Variants in SAMD12 observed in about 807,000 individuals in gnomAD.
SAMD12 encodes the protein sterile alpha motif domain-containing protein 12.
Under a neutral mutation model 15.0 loss-of-function variants are expected in SAMD12, and 9 were observed. The ratio of observed to expected loss-of-function variants is 0.60; its 90% CI spans 0.36 to 1.05. The LOEUF is 1.05. SAMD12 is among the 50% of genes least tolerant of loss of function. SAMD12 has a pLI of 0.01. For missense variants in SAMD12, 230 were observed against 234.2 expected, an observed-to-expected ratio of 0.98 and a Z score of 0.12; for synonymous variants, 86 against 90.1, an observed-to-expected ratio of 0.96 and a Z score of 0.25.
At chr8:118,235,497 T>C (rs957511138) in intron 4 of SAMD12, among the ~76,000 whole-genome samples, 2 of 151,238 alleles carry the variant, frequency 1.3e-5, no homozygotes, top group Non-Finnish European at 2.9e-5. Context: ...GCATGAGAAG[T>C]CTATTTTTAA....
chr8:118,173,837 C>T, the SAMD12 span, among the ~76,000 whole-genome samples: 1 of 151,932 alleles, frequency 6.6e-6, no homozygotes, highest in Non-Finnish European at 1.5e-5. Flanking sequence ...ACCATGTTGG[C>T]CAGGCTAGTC....
intron 3 of SAMD12, among the ~76,000 whole-genome samples, chr8:118,437,417 A>C (rs1163327516): frequency 6.6e-6 from 1 of 152,176 alleles, no homozygotes. Flanking sequence ...GGCTGCCCTT[A>C]AAAGGAAATA....
At chr8:118,295,768 A>AC (rs898728029) in intron 4 of SAMD12, 2 of 151,462 alleles carry the variant, frequency 1.3e-5, no homozygotes, top group Non-Finnish European at 2.9e-5. Flanking sequence ...TCCCATCTCA[A>AC]CCTTCCCAGT....
chr8:118,183,740 T>C, the SAMD12 span, among the ~76,000 whole-genome samples: 1 of 152,252 alleles, frequency 6.6e-6, no homozygotes, highest in South Asian at 2.1e-4. Context: ...TAAATTGTAT[T>C]GTGGGGAAGT....
chr8:118,268,377 T>C (rs1302503604), intron 4 of SAMD12, among the ~76,000 whole-genome samples: 1 of 152,242 alleles, frequency 6.6e-6, no homozygotes, highest in Non-Finnish European at 1.5e-5. Context: ...AAGTAAACTA[T>C]CATCATAATT....
At chr8:118,505,201 T>C (rs1028719667) in intron 2 of SAMD12, among the ~76,000 whole-genome samples, 5 of 152,188 alleles carry the variant, frequency 3.3e-5, no homozygotes, top group Non-Finnish European at 7.3e-5. Flanking sequence ...GAATCTGAGA[T>C]TGGGTTTTCG....
chr8:118,462,171 C>G lies in SAMD12; in HGVS notation c.193-22210G>C, dbSNP rs184821973. 3.7e-4 allele frequency among the ~76,000 whole-genome samples: 56 copies of G among 152,284 alleles called. No homozygotes were observed. In the East Asian group the frequency reaches 0.011, roughly 29 times the overall value. On this transcript the variant is annotated intron_variant, in intron 2 of 3. Coordinates refer to ENST00000314727, the MANE Select transcript of SAMD12 (RefSeq NM_207506.3). ...CTCTCATTCCTAGTATTTTCAAATA[C>G]TACAATTCAGTATTATGTGCACATC...
At chr8:118,285,598 A>G (rs1284664721) in intron 4 of SAMD12, among the ~76,000 whole-genome samples, 7 of 152,240 alleles carry the variant, frequency 4.6e-5, no homozygotes, top group African/African-American at 1.7e-4. Flanking sequence ...CTTGCTTCAG[A>G]TAATGTGGCA....
At chr8:118,532,456 A>G (rs140323019) in intron 2 of SAMD12, among the ~76,000 whole-genome samples, 6 of 152,326 alleles carry the variant, frequency 3.9e-5, no homozygotes, top group African/African-American at 1.2e-4. Flanking sequence ...GCCTCACAAA[A>G]TGAGTTAGGG....
chr8:118,434,638 C>T (rs908398513), intron 3 of SAMD12, among the ~76,000 whole-genome samples: 1 of 152,142 alleles, frequency 6.6e-6, no homozygotes, highest in Non-Finnish European at 1.5e-5. Context: ...TACACCTGGC[C>T]CCAGAAGAGC....
At chr8:118,550,355 G>C (rs984181098) in intron 2 of SAMD12, among the ~76,000 whole-genome samples, 1 of 152,234 alleles carries the variant, frequency 6.6e-6, no homozygotes, top group Non-Finnish European at 1.5e-5. Flanking sequence ...CAAGCCAAAA[G>C]AGAGTGGGGG....
At chr8:118,237,175 A>G (rs995092094) in intron 4 of SAMD12, among the ~76,000 whole-genome samples, 4 of 152,188 alleles carry the variant, frequency 2.6e-5, no homozygotes, top group Non-Finnish European at 5.9e-5. Flanking sequence ...GACATTGTCC[A>G]TGATTACATT....
intron 3 of SAMD12, among the ~76,000 whole-genome samples, chr8:118,401,398 A>G (rs1021580699): frequency 6.6e-6 from 1 of 152,116 alleles, no homozygotes; most frequent in Admixed American, 6.6e-5. Context: ...TTTATTTTAG[A>G]GACAGGGTTT....
intron 4 of SAMD12, among the ~76,000 whole-genome samples, chr8:118,251,201 C>T (rs562586284): frequency 6.6e-6 from 1 of 152,172 alleles, no homozygotes; most frequent in Admixed American, 6.6e-5. Context: ...GGGAAGTGAT[C>T]TATGATTATT....
At chr8:118,482,459 AATAT>A (rs879012551) in intron 2 of SAMD12, among the ~76,000 whole-genome samples, 1 of 151,914 alleles carries the variant, frequency 6.6e-6, no homozygotes, top group Non-Finnish European at 1.5e-5. Flanking sequence ...TTGGACGGGA[AATAT>A]ATATTTTTTT....
At chr8:118,516,020 T>C (rs1015316388) in intron 2 of SAMD12, among the ~76,000 whole-genome samples, 1 of 152,246 alleles carries the variant, frequency 6.6e-6, no homozygotes, top group African/African-American at 2.4e-5. Flanking sequence ...GCCATGGAGA[T>C]ATATATGAGA....
At chr8:118,312,342 C>CA (rs1451271875) in intron 4 of SAMD12, among the ~76,000 whole-genome samples, 1 of 152,146 alleles carries the variant, frequency 6.6e-6, no homozygotes, top group Non-Finnish European at 1.5e-5. Flanking sequence ...AGTTCATAGA[C>CA]AAAATCTGTC....
At chr8:118,410,387 T>C (rs1193223097) in intron 3 of SAMD12, among the ~76,000 whole-genome samples, 1 of 152,208 alleles carries the variant, frequency 6.6e-6, no homozygotes, top group East Asian at 1.9e-4. Context: ...TAATGGTCCA[T>C]ACAGTGGTTT....
chr8:118,479,688 A>G (rs917181074), intron 2 of SAMD12, among the ~76,000 whole-genome samples: 22 of 152,306 alleles, frequency 1.4e-4, no homozygotes, highest in South Asian at 8.3e-4. Context: ...CTAAAATGTC[A>G]GCTATTCAGC....
Sources: allele counts gnomAD v4.1 joint callset (sites outside exome capture counted in the v4.1 genomes callset), GRCh38; gene constraint gnomAD v4.1.1; transcripts MANE v1.5; gene names NCBI Gene and HGNC (gene_info 2026-07-23, HGNC 2026-07-21).